The following CYB5RL variants were observed in gnomAD, a reference collection of about 807,000 sequenced individuals.
CYB5RL encodes the protein NADH-cytochrome b5 reductase-like.
Under a neutral mutation model 37.5 loss-of-function variants are expected in CYB5RL, and 38 were observed. That is an observed-to-expected ratio of 1.01 (90% CI 0.78 to 1.33). The LOEUF (loss-of-function observed/expected upper bound fraction) is 1.33, where lower values mean the gene tolerates loss of function less well. CYB5RL is among the 40% of genes most tolerant of loss of function. The probability of loss-of-function intolerance (pLI) is 0.00; values close to 1 mark genes in which losing one functional copy is unlikely to be tolerated. For synonymous variants in CYB5RL, 141 were observed against 151.9 expected (o/e 0.93, Z 0.53); for missense variants, 388 against 394.4 (o/e 0.98, Z 0.14).
chr1:54,191,799 C>G (rs1237087062), intron 3 of CYB5RL, among the ~76,000 whole-genome samples: 1 of 152,190 alleles, frequency 6.6e-6, no homozygotes, highest in African/African-American at 2.4e-5. Context: ...AGGATGACCT[C>G]TTCATCATCA....
chr1:54,188,160 A>C (rs748142257), intron 4 of CYB5RL, among the ~76,000 whole-genome samples: 1 of 152,212 alleles, frequency 6.6e-6, no homozygotes, highest in Non-Finnish European at 1.5e-5. Flanking sequence ...AGAGGCAGGC[A>C]AGATGCAACA....
At chr1:54,177,490 C>T (rs913221481) in intron 7 of CYB5RL, among the ~76,000 whole-genome samples, 1 of 152,208 alleles carries the variant, frequency 6.6e-6, no homozygotes, top group African/African-American at 2.4e-5. Flanking sequence ...CTACCCACCA[C>T]TGGCATCCCG....
intron 6 of CYB5RL, 161 bp downstream of exon 6, chr1:54,184,000 T>C: frequency 2.3e-6 from 1 of 440,746 alleles, no homozygotes; most frequent in Non-Finnish European, 4.0e-6. Flanking sequence ...AATAAATAAA[T>C]AAATAAGTGT....
intron 6 of CYB5RL, among the ~76,000 whole-genome samples, chr1:54,180,387 C>T (rs1447201967): frequency 2.0e-5 from 3 of 151,822 alleles, no homozygotes; most frequent in African/African-American, 2.4e-5. Flanking sequence ...AGGCGGTTCA[C>T]GAGGTCAGGA....
In CYB5RL at chr1:54,174,808, C is replaced by T. The variant is rs1285743343; in HGVS notation, c.759G>A (p.Glu253=). Residue 253 remains glutamate, a synonymous_variant, in exon 8 of 8, where the codon GAG becomes GAA. Transcript: ENST00000534324. ...TCTCTTGGTAACTCCAGGGAAGCTG[C>T]TCTGAGGAGCTCTCCTGGGAAGACA... The part of the protein sequence containing the change: ...FFVLSQESSS[E]QLPWSYQEKT... The T allele has an allele frequency of 6.2e-7, 1 of 1,613,202 alleles. No individual in the cohort carries two copies. The highest frequency in any genetic ancestry group is 1.1e-5 in the South Asian group (1 of 91,048).
In CYB5RL at chr1:54,171,088, T is replaced by C. The variant is rs1177041273; in HGVS notation, c.*3531A>G. On this transcript the variant is annotated 3_prime_UTR_variant, in exon 8 of 8. Coordinates refer to ENST00000534324, the MANE Select transcript of CYB5RL (RefSeq NM_001031672.4). ...CGACAGAAAAGCACACAAGCCTCTC[T>C]GCTCACTGACCAAGCTGGAGTGGAA... 1 of 454,910 alleles carries C rather than the reference T, an allele frequency of 2.2e-6. No homozygotes were observed. The highest frequency in any genetic ancestry group is 4.4e-6 in the Non-Finnish European group (1 of 226,114). The allele number at this position is 454,910 out of a possible 1,614,324, so 28.2% of individuals were successfully genotyped here. A position where few individuals can be genotyped will look rare whatever the true frequency, so the allele number is the denominator to read the frequency against.
intron 6 of CYB5RL, among the ~76,000 whole-genome samples, chr1:54,182,949 T>C (rs887207653): frequency 1.3e-5 from 2 of 152,238 alleles, no homozygotes; most frequent in African/African-American, 4.8e-5. Context: ...TTCCTAATCA[T>C]AAAGTAATAG....
At chr1:54,198,921 C>T (rs1253819378) in intron 1 of CYB5RL, among the ~76,000 whole-genome samples, 2 of 152,122 alleles carry the variant, frequency 1.3e-5, no homozygotes, top group Non-Finnish European at 2.9e-5. Flanking sequence ...CAGGTGTGAA[C>T]GATGACTGTA....
intron 4 of CYB5RL, 185 bp from the exon 5 acceptor site, chr1:54,187,924 A>G (rs1643917240): frequency 3.6e-6 from 2 of 560,622 alleles, no homozygotes; most frequent in East Asian, 3.0e-5. Context: ...AAAGTACAAA[A>G]ATTTAGCTGG....
Position 54,171,535 on chromosome 1 carries a change from C to T in CYB5RL, c.*3084G>A, listed in dbSNP as rs1659893095. 1 of 418,638 alleles carries T rather than the reference C, an allele frequency of 2.4e-6. No homozygotes were observed. Among genetic ancestry groups the T allele is most frequent in the Non-Finnish European group, 4.8e-6 (1 of 206,682 alleles). 25.9% of individuals were successfully genotyped at this position (418,638 alleles called of 1,614,324 possible). Reference sequence around the variant, plus strand: ...GGCTGAACTAAAGCCAATGCCGCTTCTGCGACCAAGAATCTGTCCTCAGGC... The same window carrying T: ...GGCTGAACTAAAGCCAATGCCGCTTTTGCGACCAAGAATCTGTCCTCAGGC... On this transcript the variant is annotated 3_prime_UTR_variant, in exon 8 of 8. Transcript: ENST00000534324.
At chr1:54,186,374 C>A (rs1439309877) in intron 5 of CYB5RL, 1 of 152,212 alleles carries the variant, frequency 6.6e-6, no homozygotes, top group Non-Finnish European at 1.5e-5. Context: ...GAGGCAGTAC[C>A]TGGTGCCCAG....
intron 4 of CYB5RL, 105 bp from the exon 5 acceptor site, chr1:54,187,844 G>T: frequency 1.1e-6 from 1 of 937,734 alleles, no homozygotes; most frequent in Non-Finnish European, 1.7e-6. Context: ...GGGAGGCCGA[G>T]GTGGGCTGAT....
chr1:54,175,200 C>T (rs1378337079), intron 7 of CYB5RL, among the ~76,000 whole-genome samples: 3 of 152,236 alleles, frequency 2.0e-5, no homozygotes, highest in East Asian at 3.8e-4. Flanking sequence ...GGTTAGCTAT[C>T]ATCATCACCC....
At chr1:54,194,370 CA>C (rs1203676236) in intron 3 of CYB5RL, among the ~76,000 whole-genome samples, 56 of 133,532 alleles carry the variant, frequency 4.2e-4, no homozygotes, top group East Asian at 1.8e-3. Flanking sequence ...AACTCCATCT[CA>C]AAAAAAAAAA....
At position 54,172,882 on chromosome 1, in the gene CYB5RL, G is replaced by C. The variant is rs1405111859; in HGVS notation, c.*1737C>G. ...TCAAGTCACATACTAGGCAGGAAGA[G>C]ATCATGGTTCCTGCTCAGAATCTTT... On this transcript the variant is annotated 3_prime_UTR_variant, in exon 8 of 8. Transcript: ENST00000534324. The C allele has an allele frequency of 1.3e-5, 2 of 152,218 alleles. No homozygotes were observed. Among genetic ancestry groups the C allele is most frequent in the East Asian group, 3.9e-4 (2 of 5,188 alleles). The allele number at this position is 152,218 out of a possible 1,614,324, so 9.4% of individuals were successfully genotyped here. A position where few individuals can be genotyped will look rare whatever the true frequency, so the allele number is the denominator to read the frequency against.
rs199724788 is a variant in CYB5RL, at chr1:54,183,975, CTAAATAAATAAATAAA to C, written c.540+170_540+185del. 1.6e-4 allele frequency: 58 copies of C among 355,566 alleles called. 2 individuals carry two copies. Among genetic ancestry groups the C allele is most frequent in the Non-Finnish European group, 2.5e-4 (50 of 202,826 alleles). 22.0% of individuals were successfully genotyped at this position (355,566 alleles called of 1,614,324 possible). On this transcript the variant is annotated intron_variant, in intron 6 of 7. Transcript: ENST00000534324. Reference sequence around the variant, plus strand: ...GGGCAACAAGAGCGAAACTCCGTCTCTAAATAAATAAATAAATAAATAAATAAATAAGTGTCTATTC... The same window carrying C: ...GGGCAACAAGAGCGAAACTCCGTCTCTAAATAAATAAATAAGTGTCTATTC...
rs2100467619 is a variant in CYB5RL, at chr1:54,184,260, G to A, written c.441C>T (p.Tyr147=). The part of the protein sequence containing the change: ...EGYFEVLIKC[Y]QMGLMSRYVE... ...CATACCGGGACATCAGCCCCATCTG[G>A]TAGCACTGGAAGCAAACACAGGGAG... Residue 147 remains tyrosine (Y), a synonymous_variant, in exon 6 of 8, where the codon TAC becomes TAT. Coordinates refer to ENST00000534324, the MANE Select transcript of CYB5RL (RefSeq NM_001031672.4). 1.2e-6 allele frequency: 2 copies of A among 1,613,304 alleles called. No individual in the cohort carries two copies. The highest frequency in any genetic ancestry group is 3.3e-4 in the Middle Eastern group (2 of 6,060).
intron 7 of CYB5RL, among the ~76,000 whole-genome samples, chr1:54,175,044 CT>C (rs1428066382): frequency 6.6e-6 from 1 of 151,998 alleles, no homozygotes; most frequent in Non-Finnish European, 1.5e-5. Flanking sequence ...GGAAGAGGGA[CT>C]TCCCTGTGGC....
rs1465523054 is a variant in CYB5RL, at chr1:54,179,258, A to G, written c.635T>C (p.Phe212Ser). ...SITDNENDET[F>S]VTLVGCFKTF... ...CTTGAAGCAACCGACCAGAGTGACA[A>G]AAGTCTCGTCATTCTCATTGTCTGT... The change falls in exon 7 of 8, where the codon TTT becomes TCT. Residue 212 changes from phenylalanine (F) to serine (S), a missense_variant. Transcript: ENST00000534324. The G allele has an allele frequency of 6.2e-7, 1 of 1,613,894 alleles. No individual in the cohort carries two copies. The highest frequency in any genetic ancestry group is 1.7e-5 in the Admixed American group (1 of 60,016).
Sources: gnomAD v4.1 joint callset for allele counts (sites outside exome capture counted in the v4.1 genomes callset) on GRCh38, gnomAD v4.1.1 for gene constraint, MANE v1.5 for transcripts, NCBI Gene and HGNC (gene_info 2026-07-23, HGNC 2026-07-21) for gene names.